The following CGGBP1 variants were observed in gnomAD, a reference collection of about 807,000 sequenced individuals.
The protein encoded by CGGBP1 is CGG triplet repeat-binding protein 1.
A neutral mutation model predicts 11.4 loss-of-function variants in CGGBP1; 4 were observed. The observed-to-expected ratio is 0.35, with a 90% confidence interval of 0.17 to 0.80. The LOEUF (loss-of-function observed/expected upper bound fraction) is 0.80. Among genes scored for constraint, CGGBP1 ranks in the 30% least tolerant of loss-of-function variants. The probability of loss-of-function intolerance (pLI) is 0.52; values close to 1 mark genes in which losing one functional copy is unlikely to be tolerated. For synonymous variants in CGGBP1, 76 were observed against 74.1 expected (o/e 1.03, Z -0.13); for missense variants, 135 against 202.1 (o/e 0.67, Z 2.01).
rs529351592 is a variant in CGGBP1, at chr3:88,052,294, A to C, written c.*3179T>G. On this transcript the variant is annotated 3_prime_UTR_variant, in exon 4 of 4. Coordinates refer to ENST00000482016, the MANE Select transcript of CGGBP1 (RefSeq NM_001008390.2). ...ATCAGTGCTGACCAGAAGCTAAAGC[A>C]ATTTCTTTTAGGCTAAGATTGGCAA... 2.0e-5 allele frequency: 3 copies of C among 152,736 alleles called. No individual in the cohort carries two copies. The South Asian group carries it at 6.2e-4, about 32-fold the overall frequency. The allele number at this position is 152,736 out of a possible 1,614,324, so 9.5% of individuals were successfully genotyped here. A position where few individuals can be genotyped will look rare whatever the true frequency, so the allele number is the denominator to read the frequency against.
At chr3:88,145,661 A>G (rs1707298940) in intron 1 of CGGBP1, among the ~76,000 whole-genome samples, 2 of 152,196 alleles carry the variant, frequency 1.3e-5, no homozygotes, top group African/African-American at 4.8e-5. Context: ...AATTGATAAA[A>G]CAGGGACAGA....
chr3:88,064,561 A>T (rs1707088923), intron 2 of CGGBP1, among the ~76,000 whole-genome samples: 1 of 151,976 alleles, frequency 6.6e-6, no homozygotes, highest in African/African-American at 2.4e-5. Flanking sequence ...CAAATTCCTG[A>T]GATGTTCTGG....
chr3:88,076,835 A>G (rs1350818617), intron 2 of CGGBP1, among the ~76,000 whole-genome samples: 1 of 152,214 alleles, frequency 6.6e-6, no homozygotes, highest in Non-Finnish European at 1.5e-5. Flanking sequence ...ATGACCTGCT[A>G]TTCATAAGAG....
chr3:88,112,342 A>T (rs1197592622), intron 2 of CGGBP1, among the ~76,000 whole-genome samples: 3 of 152,016 alleles, frequency 2.0e-5, no homozygotes, highest in Admixed American at 1.3e-4. Context: ...ATGAATTAAG[A>T]TCTAAGATTT....
intron 2 of CGGBP1, among the ~76,000 whole-genome samples, chr3:88,109,142 A>AGT (rs35595112): frequency 0.19 from 26,778 of 142,152 alleles, 2,463 homozygotes; most frequent in East Asian, 0.28. Flanking sequence ...AGTGGGCACT[A>AGT]GTGTGTGTGT....
At chr3:88,146,436 G>A (rs1707314174) in intron 1 of CGGBP1, among the ~76,000 whole-genome samples, 1 of 152,118 alleles carries the variant, frequency 6.6e-6, no homozygotes, top group East Asian at 1.9e-4. Context: ...CGCTCTAATT[G>A]GGAGGGTTTT....
intron 2 of CGGBP1, among the ~76,000 whole-genome samples, chr3:88,094,404 T>C (rs1254552139): frequency 6.6e-6 from 1 of 152,156 alleles, no homozygotes; most frequent in East Asian, 1.9e-4. Flanking sequence ...AGCAAAGAGA[T>C]AGATTACTAA....
At chr3:88,110,095 CT>C (rs1704998515) in intron 2 of CGGBP1, among the ~76,000 whole-genome samples, 1 of 152,046 alleles carries the variant, frequency 6.6e-6, no homozygotes, top group African/African-American at 2.4e-5. Context: ...AATGGTTGTA[CT>C]ATGTTATTAA....
intron 2 of CGGBP1, among the ~76,000 whole-genome samples, chr3:88,120,908 T>C (rs959039331): frequency 6.6e-6 from 1 of 152,144 alleles, no homozygotes; most frequent in Non-Finnish European, 1.5e-5. Context: ...TTTACTTTGA[T>C]GTTTGGTCAT....
chr3:88,131,731 G>C (rs1284794565), intron 2 of CGGBP1, among the ~76,000 whole-genome samples: 12 of 152,134 alleles, frequency 7.9e-5, no homozygotes, highest in Middle Eastern at 3.4e-3. Context: ...AATAGCGTGG[G>C]TTATGATGGC....
chr3:88,055,516 CCAT>C lies in CGGBP1; in HGVS notation c.458_460del (p.Asp153del). ...GAGGAGTTGATTCTCATTCTCATATCCATCAGGAAGATATGCCCTCCGTAGCTG... is the reference window on the plus strand; with the variant it reads ...GAGGAGTTGATTCTCATTCTCATATCCAGGAAGATATGCCCTCCGTAGCTG... On this transcript the variant is annotated inframe_deletion, in exon 4 of 4. Coordinates refer to ENST00000482016, the MANE Select transcript of CGGBP1 (RefSeq NM_001008390.2). The surrounding 1 kb of genome is among the most constrained non-coding windows in gnomAD (Gnocchi z 4.2). 1 of 1,542,484 alleles carries C rather than the reference CCAT, an allele frequency of 6.5e-7. No homozygotes were observed. Among genetic ancestry groups the C allele is most frequent in the Non-Finnish European group, 8.7e-7 (1 of 1,143,328 alleles).
upstream of CGGBP1, among the ~76,000 whole-genome samples, chr3:88,059,667 G>C (rs924386819): frequency 6.6e-6 from 1 of 151,854 alleles, no homozygotes; most frequent in Non-Finnish European, 1.5e-5. Context: ...GGCTTGGGGT[G>C]GGGGGCGGGG....
intron 2 of CGGBP1, chr3:88,138,686 A>G (rs1706953006): frequency 8.2e-7 from 1 of 1,221,940 alleles, no homozygotes; most frequent in African/African-American, 1.6e-5. Flanking sequence ...ATTTAGCACT[A>G]ATATTTTTCT....
intron 2 of CGGBP1, among the ~76,000 whole-genome samples, chr3:88,068,276 G>A: frequency 6.6e-6 from 1 of 152,100 alleles, no homozygotes; most frequent in East Asian, 1.9e-4. Context: ...ATTAGGTGTA[G>A]ACTATGATAA....
In CGGBP1 at chr3:88,055,780, G is replaced by A; in HGVS notation, c.197C>T (p.Thr66Ile). The A allele has an allele frequency of 1.2e-6, 2 of 1,614,180 alleles. No homozygotes were observed. Among genetic ancestry groups the A allele is most frequent in the Non-Finnish European group, 8.5e-7 (1 of 1,180,036 alleles). ...SAISDHLKSK[T>I]HTKRKAEFEE... ...AAATTCTGCCTTCCTCTTGGTATGA[G>A]TCTTTGACTTGAGGTGGTCACTAAT... The change falls in exon 4 of 4, where the codon ACT becomes ATT. Residue 66 changes from threonine to isoleucine, a missense_variant. Transcript: ENST00000482016. This position sits in a 1 kb window ranked among gnomAD's most constrained non-coding sequence, Gnocchi z 4.2.
intron 2 of CGGBP1, among the ~76,000 whole-genome samples, chr3:88,114,244 A>C (rs968681142): frequency 9.2e-5 from 14 of 152,176 alleles, no homozygotes; most frequent in Non-Finnish European, 1.8e-4. Flanking sequence ...TAGTGCTGGC[A>C]TGGTGATATT....
At chr3:88,122,078 A>C (rs12629581) in intron 2 of CGGBP1, among the ~76,000 whole-genome samples, 13,718 of 152,288 alleles carry the variant, frequency 0.09, 779 homozygotes, top group Non-Finnish European at 0.13. Flanking sequence ...AATGTAGCAC[A>C]AATGTTCAAT....
upstream of CGGBP1, among the ~76,000 whole-genome samples, chr3:88,059,985 C>T (rs1254210184): frequency 6.6e-6 from 1 of 151,896 alleles, no homozygotes; most frequent in African/African-American, 2.4e-5. Context: ...GCCACTGTTC[C>T]CCCTCTTCTA....
intron 2 of CGGBP1, among the ~76,000 whole-genome samples, chr3:88,064,253 T>A (rs1431719259): frequency 1.3e-5 from 2 of 152,204 alleles, no homozygotes; most frequent in Non-Finnish European, 2.9e-5. Flanking sequence ...AGTAATTTTT[T>A]CCCTAGTTGT....
Sources: gnomAD v4.1 joint callset for allele counts (sites outside exome capture counted in the v4.1 genomes callset) on GRCh38, gnomAD v4.1.1 for gene constraint, Gnocchi (gnomAD v3.1) non-coding constraint, MANE v1.5 for transcripts, NCBI Gene and HGNC (gene_info 2026-07-23, HGNC 2026-07-21) for gene names.